Variants in DCC observed in about 807,000 individuals in gnomAD.
The protein encoded by DCC is netrin receptor DCC.
In DCC, 58 loss-of-function variants were observed where a neutral mutation model predicts 172.5. The observed-to-expected ratio is 0.34, with a 90% confidence interval of 0.27 to 0.42. The LOEUF is 0.42. DCC is among the 10% of genes least tolerant of loss of function. The pLI is 1.00. For synonymous variants in DCC, 709 were observed against 644.5 expected (o/e 1.10, Z -1.52); for missense variants, 1,740 against 1,791.0 (o/e 0.97, Z 0.51).
At chr18:52,455,747 A>G (rs567914730) in intron 1 of DCC, among the ~76,000 whole-genome samples, 2 of 152,320 alleles carry the variant, frequency 1.3e-5, no homozygotes, top group East Asian at 3.9e-4. Flanking sequence ...TATTCCATAG[A>G]GTTTGTTATA....
At chr18:53,099,636 A>G (rs73957081) in intron 7 of DCC, among the ~76,000 whole-genome samples, 2,482 of 152,222 alleles carry the variant, frequency 0.016, 81 homozygotes, top group African/African-American at 0.057. Flanking sequence ...TGAGCACTAT[A>G]TATTTGTCCT....
intron 1 of DCC, among the ~76,000 whole-genome samples, chr18:52,488,196 T>G (rs149577764): frequency 2.2e-4 from 33 of 152,314 alleles, no homozygotes; most frequent in African/African-American, 7.7e-4. Context: ...TATTCCTCAT[T>G]TTTTGCAGAC....
In DCC at chr18:52,800,779, T is replaced by C. The variant is rs149356440; in HGVS notation, c.412+48405T>C. On this transcript the variant is annotated intron_variant, in intron 2 of 28. Transcript: ENST00000442544. ...AGTAAAAGCAAGAGAAGTTTTCTTT[T>C]TTCTCCCTGATGTATCAGTTATTGT... Among the ~76,000 whole-genome samples the C allele has an allele frequency of 5.3e-3, 805 of 152,286 alleles. 4 individuals are homozygous for C. Among genetic ancestry groups the C allele is most frequent in the Admixed American group, 0.01 (154 of 15,298 alleles).
intron 12 of DCC, among the ~76,000 whole-genome samples, chr18:53,283,253 C>G (rs1310452420): frequency 2.0e-5 from 3 of 152,080 alleles, no homozygotes; most frequent in African/African-American, 4.8e-5. Context: ...TGTAAGTTGG[C>G]TTTAACATGA....
intron 1 of DCC, among the ~76,000 whole-genome samples, chr18:52,410,059 GT>G (rs1292844861): frequency 6.6e-6 from 1 of 152,116 alleles, no homozygotes. Context: ...CCACATCAGT[GT>G]TTTGCAAAGT....
intron 26 of DCC, among the ~76,000 whole-genome samples, chr18:53,494,669 A>G (rs59059477): frequency 0.012 from 1,883 of 152,170 alleles, 28 homozygotes; most frequent in African/African-American, 0.043. Flanking sequence ...TGCTTGGTAA[A>G]TCTTCCTCTA....
chr18:53,085,389 T>C (rs9961846), intron 7 of DCC, among the ~76,000 whole-genome samples: 14,693 of 152,106 alleles, frequency 0.097, 1,135 homozygotes, highest in East Asian at 0.36. Flanking sequence ...TACCAGTTCC[T>C]TAGCACAGAG....
At chr18:53,447,975 G>A (rs1912719216) in intron 22 of DCC, among the ~76,000 whole-genome samples, 1 of 149,862 alleles carries the variant, frequency 6.7e-6, no homozygotes, top group Admixed American at 6.6e-5. Flanking sequence ...TCCTCCAAGA[G>A]TCAACTTATA....
intron 26 of DCC, among the ~76,000 whole-genome samples, chr18:53,488,983 C>T (rs8085778): frequency 0.49 from 73,724 of 151,380 alleles, 19,351 homozygotes; most frequent in Non-Finnish European, 0.61. Context: ...ATGGTGAAAC[C>T]GCATCTCTAC....
intron 1 of DCC, among the ~76,000 whole-genome samples, chr18:52,372,154 C>G (rs1362987015): frequency 1.3e-5 from 2 of 152,214 alleles, no homozygotes; most frequent in Admixed American, 1.3e-4. Context: ...TTGCCTCCAA[C>G]TACAAAGAGC....
chr18:52,494,872 A>C (rs1456872569), intron 1 of DCC, among the ~76,000 whole-genome samples: 2 of 152,086 alleles, frequency 1.3e-5, no homozygotes, highest in African/African-American at 4.8e-5. Context: ...CACACCTAGT[A>C]ATTTTTTTAT....
chr18:52,431,138 T>C (rs537429407), intron 1 of DCC, among the ~76,000 whole-genome samples: 1 of 152,166 alleles, frequency 6.6e-6, no homozygotes, highest in South Asian at 2.1e-4. Context: ...TTGTTAGAAA[T>C]GTAAATCCTT....
chr18:52,539,139 T>C (rs547260668), intron 1 of DCC, among the ~76,000 whole-genome samples: 7 of 152,296 alleles, frequency 4.6e-5, no homozygotes, highest in African/African-American at 1.7e-4. Flanking sequence ...AATGTACATT[T>C]TGAGTTTCTT....
intron 14 of DCC, 92 bp from the exon 15 acceptor site, chr18:53,339,621 A>G (rs1402428723): frequency 3.8e-5 from 36 of 956,490 alleles, no homozygotes; most frequent in South Asian, 1.3e-5. Flanking sequence ...TTATGCATCT[A>G]TGAAATATGA....
chr18:53,155,268 G>A (rs576483632), intron 7 of DCC, among the ~76,000 whole-genome samples: 11 of 152,162 alleles, frequency 7.2e-5, no homozygotes, highest in Admixed American at 2.6e-4. Context: ...TCAGCCAGTC[G>A]CTATACAAAG....
At chr18:52,488,184 A>C (rs2030325558) in intron 1 of DCC, among the ~76,000 whole-genome samples, 1 of 152,126 alleles carries the variant, frequency 6.6e-6, no homozygotes, top group Non-Finnish European at 1.5e-5. Flanking sequence ...TTTTCCCAGA[A>C]TTATTCCTCA....
chr18:53,260,298 G>C (rs2056579253), intron 12 of DCC, among the ~76,000 whole-genome samples: 3 of 152,042 alleles, frequency 2.0e-5, no homozygotes, highest in Admixed American at 2.0e-4. Context: ...AGAGTTTCCA[G>C]TTTTTCTGCT....
intron 1 of DCC, among the ~76,000 whole-genome samples, chr18:52,448,315 G>A (rs1044846945): frequency 1.1e-4 from 17 of 152,152 alleles, no homozygotes; most frequent in African/African-American, 3.9e-4. Flanking sequence ...TGTCTTCCAC[G>A]AATTCGGTCC....
At chr18:52,855,861 G>A (rs111320301) in intron 2 of DCC, among the ~76,000 whole-genome samples, 3,681 of 149,670 alleles carry the variant, frequency 0.025, 129 homozygotes, top group African/African-American at 0.082. Context: ...TGCTTCCTGG[G>A]TTCATGCAGT....
Sources: gnomAD v4.1 joint callset for allele counts (sites outside exome capture counted in the v4.1 genomes callset) on GRCh38, gnomAD v4.1.1 for gene constraint, MANE v1.5 for transcripts, NCBI Gene and HGNC (gene_info 2026-07-23, HGNC 2026-07-21) for gene names.